VTI1A: variants seen among roughly 807,000 people sequenced by gnomAD.
VTI1A encodes vesicle transport through interaction with t-SNAREs 1A, also known as vesicle transport through interaction with t-SNAREs homolog 1A.
In VTI1A, 22 loss-of-function variants were observed where a neutral mutation model predicts 34.9. That is an observed-to-expected ratio of 0.63 (90% CI 0.45 to 0.90). The LOEUF is 0.90. Among genes scored for constraint, VTI1A ranks in the 40% least tolerant of loss-of-function variants. The pLI, the probability that VTI1A is intolerant of heterozygous loss-of-function variation, is 0.00. For synonymous variants in VTI1A, 87 were observed against 97.3 expected, an observed-to-expected ratio of 0.89 and a Z score of 0.62; for missense variants, 268 against 275.6, an observed-to-expected ratio of 0.97 and a Z score of 0.20.
At chr10:112,537,903 G>A (rs985661473) in intron 4 of VTI1A, among the ~76,000 whole-genome samples, 2 of 152,126 alleles carry the variant, frequency 1.3e-5, no homozygotes, top group Non-Finnish European at 2.9e-5. Context: ...AGGGAACGTA[G>A]ATCTATGCAA....
intron 5 of VTI1A, among the ~76,000 whole-genome samples, chr10:112,625,505 C>T (rs562332375): frequency 1.8e-4 from 27 of 151,926 alleles, no homozygotes; most frequent in African/African-American, 5.3e-4. Flanking sequence ...CCGGGCATGG[C>T]GGCACATGCC....
At chr10:112,484,533 A>C (rs1848553896) in intron 3 of VTI1A, among the ~76,000 whole-genome samples, 1 of 152,124 alleles carries the variant, frequency 6.6e-6, no homozygotes, top group Non-Finnish European at 1.5e-5. Flanking sequence ...TCACCTTGAC[A>C]CTTATATTTG....
At chr10:112,622,454 C>CT (rs964644702) in intron 5 of VTI1A, among the ~76,000 whole-genome samples, 12 of 135,904 alleles carry the variant, frequency 8.8e-5, no homozygotes, top group African/African-American at 3.4e-4. Context: ...CAAAAAGTAC[C>CT]TAAAAAAAAA....
intron 1 of VTI1A, among the ~76,000 whole-genome samples, chr10:112,456,111 C>T (rs901643814): frequency 2.0e-5 from 3 of 152,060 alleles, no homozygotes; most frequent in Admixed American, 6.5e-5. Context: ...TTCAAGGAGC[C>T]GGCAATGAGC....
chr10:112,832,719 G>GC, the VTI1A span, among the ~76,000 whole-genome samples: 1 of 152,208 alleles, frequency 6.6e-6, no homozygotes, highest in Admixed American at 6.5e-5. Flanking sequence ...TTATAGGTGA[G>GC]CGGAGCCTGA....
intron 7 of VTI1A, among the ~76,000 whole-genome samples, chr10:112,804,565 T>C (rs1184396700): frequency 2.6e-5 from 4 of 152,198 alleles, no homozygotes; most frequent in Non-Finnish European, 5.9e-5. Flanking sequence ...CCAAATGTCA[T>C]GGGGTGACTT....
chr10:112,686,597 G>C (rs1419242611), intron 7 of VTI1A, among the ~76,000 whole-genome samples: 1 of 152,144 alleles, frequency 6.6e-6, no homozygotes, highest in Non-Finnish European at 1.5e-5. Context: ...AGTTTCTTTA[G>C]ATGAATCTTC....
intron 7 of VTI1A, among the ~76,000 whole-genome samples, chr10:112,701,307 C>T (rs1849002204): frequency 6.6e-6 from 1 of 152,186 alleles, no homozygotes; most frequent in Admixed American, 6.5e-5. Flanking sequence ...AATAGCAACA[C>T]TTGGATGCCT....
chr10:112,576,121 C>T (rs961016356), intron 5 of VTI1A, among the ~76,000 whole-genome samples: 2 of 151,216 alleles, frequency 1.3e-5, no homozygotes, highest in East Asian at 2.0e-4. Flanking sequence ...CCCGGGTTCA[C>T]GCCGTTCTCC....
chr10:112,634,486 TAC>T (rs1285628038), intron 5 of VTI1A, among the ~76,000 whole-genome samples: 1 of 137,284 alleles, frequency 7.3e-6, no homozygotes, highest in Admixed American at 7.8e-5. Flanking sequence ...TCGGTGGTTA[TAC>T]ACACACACAC....
chr10:112,753,245 C>T (rs1160323429), intron 7 of VTI1A, among the ~76,000 whole-genome samples: 1 of 151,370 alleles, frequency 6.6e-6, no homozygotes, highest in East Asian at 1.9e-4. Context: ...ATAAGAGAAA[C>T]AGCCAAGAAA....
intron 5 of VTI1A, among the ~76,000 whole-genome samples, chr10:112,591,353 T>C (rs1844378473): frequency 6.6e-6 from 1 of 152,162 alleles, no homozygotes; most frequent in South Asian, 2.1e-4. Context: ...ACCCTGTCTC[T>C]ACTAACAATA....
At chr10:112,513,613 C>T (rs540402859) in intron 3 of VTI1A, among the ~76,000 whole-genome samples, 2 of 151,968 alleles carry the variant, frequency 1.3e-5, no homozygotes, top group South Asian at 2.1e-4. Context: ...TGTCTTATCC[C>T]GGATCTTAAA....
At chr10:112,534,951 A>T (rs1850568871) in intron 4 of VTI1A, among the ~76,000 whole-genome samples, 1 of 152,200 alleles carries the variant, frequency 6.6e-6, no homozygotes, top group South Asian at 2.1e-4. Context: ...GAATTTAAGC[A>T]ATGAGTATTG....
chr10:112,687,828 G>T (rs1001798287), intron 7 of VTI1A, among the ~76,000 whole-genome samples: 4 of 152,182 alleles, frequency 2.6e-5, no homozygotes, highest in Non-Finnish European at 4.4e-5. Context: ...TACTTGAGAG[G>T]ACCTGGCAGG....
chr10:112,732,193 G>A (rs1393038640), intron 7 of VTI1A, among the ~76,000 whole-genome samples: 3 of 152,216 alleles, frequency 2.0e-5, no homozygotes, highest in South Asian at 4.2e-4. Flanking sequence ...TTGTGAGAAG[G>A]CATCTAGCTA....
At chr10:112,681,920 A>G (rs1181859418) in intron 7 of VTI1A, among the ~76,000 whole-genome samples, 1 of 152,188 alleles carries the variant, frequency 6.6e-6, no homozygotes, top group African/African-American at 2.4e-5. Context: ...GAATCTTTTC[A>G]TGTGTCCCAA....
chr10:112,827,933 T>G, the VTI1A span, among the ~76,000 whole-genome samples: 1 of 152,152 alleles, frequency 6.6e-6, no homozygotes, highest in East Asian at 1.9e-4. Context: ...TTCTTTAATT[T>G]CCCAAAAATA....
chr10:112,669,059 C>T, intron 7 of VTI1A, 61 bp downstream of exon 7: 1 of 1,582,126 alleles, frequency 6.3e-7, no homozygotes, highest in Non-Finnish European at 8.7e-7. Context: ...ACTATGTTTT[C>T]ATTCAATTGC....
Sources: allele counts gnomAD v4.1 joint callset (sites outside exome capture counted in the v4.1 genomes callset), GRCh38; gene constraint gnomAD v4.1.1; transcripts MANE v1.5; gene names NCBI Gene and HGNC (gene_info 2026-07-23, HGNC 2026-07-21).